The following TBC1D21 variants were observed in gnomAD, a reference collection of about 807,000 sequenced individuals.
TBC1D21 encodes TBC1 domain family member 21, also known as male germ cell Rab GTPase-activating protein.
In TBC1D21, 38 loss-of-function variants were observed where a neutral mutation model predicts 46.0. That is an observed-to-expected ratio of 0.83 (90% CI 0.64 to 1.08). The LOEUF (loss-of-function observed/expected upper bound fraction) is 1.08, where lower values mean the gene tolerates loss of function less well. Among genes scored for constraint, TBC1D21 ranks in the 50% least tolerant of loss-of-function variants. The pLI, the probability that TBC1D21 is intolerant of heterozygous loss-of-function variation, is 0.00. For missense variants in TBC1D21, 415 were observed against 417.9 expected (o/e 0.99, Z 0.06); for synonymous variants, 151 against 157.2 (o/e 0.96, Z 0.29).
downstream of TBC1D21, among the ~76,000 whole-genome samples, chr15:73,892,835 C>A (rs376853005): frequency 3.3e-5 from 5 of 152,202 alleles, no homozygotes; most frequent in Non-Finnish European, 7.3e-5. Context: ...GAAAGGAATA[C>A]CTCAAGAATT....
At chr15:73,876,400 G>GTT (rs71137360) in intron 1 of TBC1D21, among the ~76,000 whole-genome samples, 56,305 of 131,014 alleles carry the variant, frequency 0.43, 13,327 homozygotes, top group Middle Eastern at 0.6. Context: ...GGTAATTTTT[G>GTT]TTTTTTTTTT....
At chr15:73,900,484 C>T in the TBC1D21 span, among the ~76,000 whole-genome samples, 1 of 152,268 alleles carries the variant, frequency 6.6e-6, no homozygotes. Flanking sequence ...TATGAGACCC[C>T]CTACCTGTCC....
chr15:73,898,863 C>CAAA, the TBC1D21 span, among the ~76,000 whole-genome samples: 669 of 24,082 alleles, frequency 0.028, 24 homozygotes, highest in Non-Finnish European at 0.049. Flanking sequence ...GACTCCATCT[C>CAAA]AAAAAAAAAA....
At chr15:73,894,209 T>C (rs2068358633), downstream of TBC1D21, among the ~76,000 whole-genome samples, 1 of 152,200 alleles carries the variant, frequency 6.6e-6, no homozygotes, top group Non-Finnish European at 1.5e-5. Flanking sequence ...TTTCACCTCT[T>C]TCCCTGCCCA....
intron 1 of TBC1D21, among the ~76,000 whole-genome samples, chr15:73,876,366 C>A (rs1001471837): frequency 4.7e-5 from 7 of 148,468 alleles, no homozygotes; most frequent in South Asian, 2.2e-4. Flanking sequence ...TAGCTGGGAC[C>A]ACAGGTGCCC....
At chr15:73,873,890 G>T in intron 1 of TBC1D21, 121 bp downstream of exon 1, 2 of 1,177,770 alleles carry the variant, frequency 1.7e-6, no homozygotes, top group Non-Finnish European at 2.5e-6. Context: ...GGTGGAGCAA[G>T]GGCGGTTGTA....
chr15:73,909,060 C>A, the TBC1D21 span, among the ~76,000 whole-genome samples: 1 of 152,188 alleles, frequency 6.6e-6, no homozygotes, highest in South Asian at 2.1e-4. Context: ...AAGACAGCTG[C>A]AGTCAGGATG....
chr15:73,889,287 G>A (rs745881462), downstream of TBC1D21: 12 of 646,666 alleles, frequency 1.9e-5, no homozygotes, highest in East Asian at 2.1e-4. Context: ...AGGGTCGTAC[G>A]ATAGGAAGAG....
the TBC1D21 span, among the ~76,000 whole-genome samples, chr15:73,898,639 G>A: frequency 1.5e-4 from 22 of 151,642 alleles, no homozygotes; most frequent in East Asian, 1.5e-3. Flanking sequence ...TGAGGTGGGC[G>A]GATCACTTGA....
intron 1 of TBC1D21, among the ~76,000 whole-genome samples, chr15:73,876,198 G>GGGT (rs368540542): frequency 0.062 from 553 of 8,862 alleles, 17 homozygotes; most frequent in South Asian, 0.26. Context: ...TTTTTTTGTG[G>GGGT]GTTTTTTTTT....
chr15:73,901,579 A>G, the TBC1D21 span, among the ~76,000 whole-genome samples: 1 of 152,194 alleles, frequency 6.6e-6, no homozygotes, highest in Non-Finnish European at 1.5e-5. Flanking sequence ...AGGAGTCTGG[A>G]ATCAGTTTCA....
chr15:73,908,361 T>TG, the TBC1D21 span: 2 of 152,286 alleles, frequency 1.3e-5, no homozygotes, highest in Non-Finnish European at 2.9e-5. Context: ...GGATGAAGCA[T>TG]GGGAAATGGG....
chr15:73,898,880 AATATATATAT>A, the TBC1D21 span, among the ~76,000 whole-genome samples: 10 of 56,802 alleles, frequency 1.8e-4, no homozygotes, highest in African/African-American at 5.3e-4. Flanking sequence ...AAAAAAAAAA[AATATATATAT>A]ATATATATAT....
At chr15:73,906,322 C>T in the TBC1D21 span, among the ~76,000 whole-genome samples, 1 of 152,044 alleles carries the variant, frequency 6.6e-6, no homozygotes, top group Non-Finnish European at 1.5e-5. Context: ...CGGGGAGAGG[C>T]TGGAGAGAAC....
intron 1 of TBC1D21, among the ~76,000 whole-genome samples, chr15:73,879,874 CTGTTGTTGTTGT>C (rs5813727): frequency 0.029 from 4,275 of 149,896 alleles, 101 homozygotes; most frequent in Non-Finnish European, 0.045. Flanking sequence ...ACCCTCACTC[CTGTTGTTGTTGT>C]TGTTGTTGTT....
chr15:73,887,620 G>C lies in TBC1D21; in HGVS notation c.778G>C (p.Val260Leu), dbSNP rs767341121. 1.7e-5 allele frequency: 28 copies of C among 1,613,740 alleles called. No homozygotes were observed. Among genetic ancestry groups the C allele is most frequent in the Non-Finnish European group, 2.3e-5 (27 of 1,179,892 alleles). The change falls in exon 9 of 11, where the codon GTT (valine) becomes CTT (leucine). Residue 260 changes from valine (V) to leucine (L), a missense_variant and splice_region_variant. Transcript: ENST00000300504. ...CAGACTGAGACGTCCTGACCCACAG[G>C]TTCTGCTGACGGGGAAGCCCTGCAG... ...SFDDVWRLWE[V>L]LLTGKPCRNF...
chr15:73,895,193 G>T, the TBC1D21 span, among the ~76,000 whole-genome samples: 1 of 152,354 alleles, frequency 6.6e-6, no homozygotes, highest in African/African-American at 2.4e-5. Context: ...CCTGAGTTCA[G>T]AACAGGAGTT....
rs1472597784 is a variant in TBC1D21 at position 73,873,718 on chromosome 15, C to T, written c.9C>T (p.Thr3=). Residue 3 remains threonine (T), a synonymous_variant, in exon 1 of 11, where the codon ACC becomes ACT. Transcript: ENST00000300504. MT[T]LSPENSLSAR... is the part of the protein sequence containing the mutation. ...GGAAGACAGCAGGGGCCATGACCACCCTCTCTCCTGAAAACAGCCTCTCTG... is the reference window on the plus strand; with the variant it reads ...GGAAGACAGCAGGGGCCATGACCACTCTCTCTCCTGAAAACAGCCTCTCTG... 63 of 1,607,086 alleles carry T rather than the reference C, an allele frequency of 3.9e-5. No homozygotes were observed. The highest frequency in any genetic ancestry group is 5.3e-5 in the Non-Finnish European group (62 of 1,176,124).
chr15:73,903,925 G>A, the TBC1D21 span, among the ~76,000 whole-genome samples: 3 of 152,230 alleles, frequency 2.0e-5, no homozygotes, highest in African/African-American at 2.4e-5. Context: ...GTGTATGCCT[G>A]TAGTCCTAGC....
Sources: gnomAD v4.1 joint callset for allele counts (sites outside exome capture counted in the v4.1 genomes callset) on GRCh38, gnomAD v4.1.1 for gene constraint, MANE v1.5 for transcripts, NCBI Gene and HGNC (gene_info 2026-07-23, HGNC 2026-07-21) for gene names.